The following ARHGAP21 variants were observed in gnomAD, a reference collection of about 807,000 sequenced individuals.
ARHGAP21 encodes the protein Rho GTPase activating protein 21.
Under a neutral mutation model 164.6 loss-of-function variants are expected in ARHGAP21, and 38 were observed. The observed-to-expected ratio is 0.23, with a 90% CI of 0.18 to 0.30. The LOEUF (loss-of-function observed/expected upper bound fraction) is 0.30, where lower values mean the gene tolerates loss of function less well. Ranked by LOEUF, ARHGAP21 falls within the 10% of genes least tolerant of loss-of-function variation. The probability of loss-of-function intolerance (pLI) is 1.00; values close to 1 mark genes in which losing one functional copy is unlikely to be tolerated. For synonymous variants in ARHGAP21, 766 were observed against 857.9 expected (o/e 0.89, Z 1.87); for missense variants, 1,822 against 2,370.7 (o/e 0.77, Z 4.81).
chr10:24,702,127 CTTTTTTTT>C (rs71798625), intron 2 of ARHGAP21, among the ~76,000 whole-genome samples: 3 of 104,630 alleles, frequency 2.9e-5, no homozygotes, highest in African/African-American at 7.3e-5. Context: ...ACTTCCGGTT[CTTTTTTTT>C]TTTTTTTTTT....
intron 2 of ARHGAP21, among the ~76,000 whole-genome samples, chr10:24,684,788 G>A (rs1475612876): frequency 2.6e-5 from 4 of 152,084 alleles, no homozygotes; most frequent in Admixed American, 6.6e-5. Flanking sequence ...ACAGGCGCCC[G>A]CCATCTTGCC....
At chr10:24,703,547 T>C (rs989796995) in intron 2 of ARHGAP21, among the ~76,000 whole-genome samples, 2 of 152,120 alleles carry the variant, frequency 1.3e-5, no homozygotes, top group Non-Finnish European at 2.9e-5. Context: ...GGCACTAAAC[T>C]CTGCACTTTC....
At chr10:24,653,150 C>A (rs1344094751) in intron 4 of ARHGAP21, among the ~76,000 whole-genome samples, 2 of 152,178 alleles carry the variant, frequency 1.3e-5, no homozygotes, top group Admixed American at 1.3e-4. Context: ...TGCATACACC[C>A]ATGTAACCAC....
At chr10:24,598,104 A>G (rs937123352) in intron 14 of ARHGAP21, 95 bp from the exon 15 acceptor site, 2 of 887,844 alleles carry the variant, frequency 2.3e-6, no homozygotes, top group Non-Finnish European at 3.5e-6. Context: ...TTGCTTATTT[A>G]ACACAAACAC....
rs11813993 is a variant in ARHGAP21, at chr10:24,645,317, A to G, written c.269-10214T>C. 6.0e-3 allele frequency among the ~76,000 whole-genome samples: 910 copies of G among 152,308 alleles called. 12 individuals are homozygous for G. The highest frequency in any genetic ancestry group is 0.02 in the African/African-American group (837 of 41,572). On this transcript the variant is annotated intron_variant, in intron 4 of 25. Transcript: ENST00000396432. ...AAGTTCCAGCCAGTTGTGGTGGCTC[A>G]TATCTGTAATCCCAGCATTTTGGGA...
chr10:24,669,657 C>T (rs1453955484), intron 3 of ARHGAP21, among the ~76,000 whole-genome samples: 1 of 152,178 alleles, frequency 6.6e-6, no homozygotes, highest in African/African-American at 2.4e-5. Flanking sequence ...TGGTAAGGAA[C>T]ACAGAGCAAG....
At position 24,597,874 on chromosome 10, in the gene ARHGAP21, C is replaced by G; in HGVS notation, c.3197+71G>C. On this transcript the variant is annotated intron_variant, in intron 15 of 25. Transcript: ENST00000396432. ...ATCCACTGGGGGTCTTGGAATGTATCCTTGCAAATAAGGGGGATGACTGTA... is the reference window on the plus strand; with the variant it reads ...ATCCACTGGGGGTCTTGGAATGTATGCTTGCAAATAAGGGGGATGACTGTA... The G allele has an allele frequency of 3.4e-6, 5 of 1,472,482 alleles. No individual in the cohort carries two copies. The South Asian group carries it at 6.0e-5, about 18-fold the overall frequency. 91.2% of individuals were successfully genotyped at this position (1,472,482 alleles called of 1,614,324 possible). A position where few individuals can be genotyped will look rare whatever the true frequency, so the allele number is the denominator to read the frequency against.
rs745673463 is a variant in ARHGAP21, at chr10:24,584,880, T to G, written c.5409A>C (p.Thr1803=). 1.7e-5 allele frequency: 27 copies of G among 1,613,818 alleles called. No individual in the cohort carries two copies. The Admixed American group carries it at 4.5e-4, about 27-fold the overall frequency. ...AKRKSIRRRH[T]LGGHRDATEI... is the part of the protein sequence containing the mutation. ...CGGTAGCATCTCTGTGCCCTCCTAG[T>G]GTATGTCTGCGCCGGATGCTTTTCC... Residue 1803 remains threonine (T), a synonymous_variant, in exon 26 of 26, where the codon ACA becomes ACC. Transcript: ENST00000396432.
At chr10:24,696,081 A>G (rs916907718) in intron 2 of ARHGAP21, among the ~76,000 whole-genome samples, 2 of 152,240 alleles carry the variant, frequency 1.3e-5, no homozygotes, top group African/African-American at 4.8e-5. Flanking sequence ...AAAACAACTA[A>G]AAATCCAGAC....
rs376208722 is a variant in ARHGAP21, at chr10:24,717,573, AG to A, written c.63+4263del. Among the ~76,000 whole-genome samples the A allele has an allele frequency of 3.9e-4, 59 of 152,260 alleles. No homozygotes were observed. In the East Asian group the frequency reaches 0.01, roughly 26 times the overall value. On this transcript the variant is annotated intron_variant, in intron 2 of 25. Transcript: ENST00000396432. ...AAATCAGCCATGGAGCAGAGGGAGG[AG>A]GAACAGGGGACAGTAGAGGGAAGGG...
At chr10:24,708,435 T>C (rs1292352491) in intron 2 of ARHGAP21, among the ~76,000 whole-genome samples, 1 of 152,230 alleles carries the variant, frequency 6.6e-6, no homozygotes, top group African/African-American at 2.4e-5. Flanking sequence ...TCTATTATTA[T>C]TATTTGTACA....
At chr10:24,648,839 C>T (rs1459855643) in intron 4 of ARHGAP21, 15 of 984,832 alleles carry the variant, frequency 1.5e-5, no homozygotes, top group Non-Finnish European at 1.3e-5. Context: ...ACCATCACAG[C>T]CCCTTTATAT....
At chr10:24,601,164 T>C (rs2076798310) in intron 13 of ARHGAP21, among the ~76,000 whole-genome samples, 2 of 152,162 alleles carry the variant, frequency 1.3e-5, no homozygotes, top group South Asian at 2.1e-4. Flanking sequence ...CCAACTTTAG[T>C]TGGGAAGGCA....
Position 24,585,371 on chromosome 10 carries a change from C to T in ARHGAP21, c.4918G>A (p.Glu1640Lys), listed in dbSNP as rs758648434. ...AAGGCTGTGGGGAACACGGGAAACT[C>T]GCTCTCGCTGTCGGTTTCCACAGGC... Reference protein sequence around the residue: ...GRPVETDSESEFPVFPTALTS... With the variant: ...GRPVETDSESKFPVFPTALTS... Residue 1640 changes from glutamate (E) to lysine (K), a missense_variant, in exon 26 of 26, where the codon GAG (glutamate) becomes AAG (lysine). Coordinates refer to ENST00000396432, the MANE Select transcript of ARHGAP21 (RefSeq NM_020824.4). 3.7e-6 allele frequency: 6 copies of T among 1,613,724 alleles called. No homozygotes were observed. The highest frequency in any genetic ancestry group is 1.3e-5 in the African/African-American group (1 of 74,908).
intron 8 of ARHGAP21, 69 bp downstream of exon 8, chr10:24,622,664 T>C (rs1020702527): frequency 2.3e-5 from 34 of 1,500,048 alleles, no homozygotes; most frequent in South Asian, 1.3e-4. Flanking sequence ...TTTTAATAGA[T>C]TGGCTTATTA....
intron 2 of ARHGAP21, among the ~76,000 whole-genome samples, chr10:24,694,772 T>C (rs764291279): frequency 6.6e-6 from 1 of 152,032 alleles, no homozygotes; most frequent in Non-Finnish European, 1.5e-5. Flanking sequence ...AAATGAACCA[T>C]GGCCAGGCAC....
At chr10:24,707,172 GGC>G (rs1565196185) in intron 2 of ARHGAP21, among the ~76,000 whole-genome samples, 2 of 152,164 alleles carry the variant, frequency 1.3e-5, no homozygotes, top group Non-Finnish European at 2.9e-5. Flanking sequence ...CTTTGCAAAA[GGC>G]AATGTAGCAA....
intron 7 of ARHGAP21, among the ~76,000 whole-genome samples, chr10:24,625,318 A>C (rs1027310571): frequency 6.6e-6 from 1 of 151,062 alleles, no homozygotes; most frequent in South Asian, 2.1e-4. Context: ...AAAAAAAAAA[A>C]AAAAACCTGA....
rs964775846 is a variant in ARHGAP21 at position 24,667,754 on chromosome 10, TG to T, written c.244-746del. ...TTTGACCTTTATTTTGGCTGCCCAATGTTTTTTTTTTTTCTTCTTCTGATTA... is the reference window on the plus strand; with the variant it reads ...TTTGACCTTTATTTTGGCTGCCCAATTTTTTTTTTTTTCTTCTTCTGATTA... On this transcript the variant is annotated intron_variant, in intron 3 of 25. Coordinates refer to ENST00000396432, the MANE Select transcript of ARHGAP21 (RefSeq NM_020824.4). Among the ~76,000 whole-genome samples, 3 of 151,832 alleles carry T rather than the reference TG, an allele frequency of 2.0e-5. 1 individual carries two copies. In the South Asian group the frequency reaches 6.2e-4, roughly 32 times the overall value.
Sources: allele counts gnomAD v4.1 joint callset (sites outside exome capture counted in the v4.1 genomes callset), GRCh38; gene constraint gnomAD v4.1.1; transcripts MANE v1.5; gene names NCBI Gene and HGNC (gene_info 2026-07-23, HGNC 2026-07-21).